ADGRE1: variants seen among roughly 807,000 people sequenced by gnomAD.
ADGRE1 encodes EGF-like module receptor 1.
A neutral mutation model predicts 102.7 loss-of-function variants in ADGRE1; 82 were observed. That is an observed-to-expected ratio of 0.80 (90% CI 0.67 to 0.96). The LOEUF is 0.96. Among genes scored for constraint, ADGRE1 ranks in the 40% least tolerant of loss-of-function variants. The pLI is 0.00. For synonymous variants in ADGRE1, 398 were observed against 399.6 expected (o/e 1.00, Z 0.05); for missense variants, 1,032 against 1,085.3 (o/e 0.95, Z 0.69).
chr19:6,893,875 C>T (rs529276592), intron 2 of ADGRE1, among the ~76,000 whole-genome samples: 102 of 152,306 alleles, frequency 6.7e-4, no homozygotes, highest in South Asian at 1.4e-3. Context: ...GGCTGCGTTC[C>T]TTCTGGATGC....
Position 6,928,129 on chromosome 19 carries a change from C to G in ADGRE1, c.2223-16C>G. ...ACTCTGAGACAAGCGCTGACTCCTC[C>G]TATTTCTCTCCACAGCTGCTGGCTG... On this transcript the variant is annotated splice_polypyrimidine_tract_variant and intron_variant, in intron 16 of 20. Transcript: ENST00000312053. 2 of 1,611,948 alleles carry G rather than the reference C, an allele frequency of 1.2e-6. No homozygotes were observed. The highest frequency in any genetic ancestry group is 1.7e-6 in the Non-Finnish European group (2 of 1,178,894).
intron 10 of ADGRE1, among the ~76,000 whole-genome samples, chr19:6,912,222 C>T (rs1489294620): frequency 6.6e-6 from 1 of 151,548 alleles, no homozygotes; most frequent in Non-Finnish European, 1.5e-5. Context: ...ATACACACAC[C>T]CACATATATA....
Position 6,910,570 on chromosome 19 carries a change from C to CTTT in ADGRE1, c.1122+1815_1122+1817dup, listed in dbSNP as rs11303491. Among the ~76,000 whole-genome samples, 587 of 112,620 alleles carry CTTT rather than the reference C, an allele frequency of 5.2e-3. 19 individuals are homozygous for CTTT. The highest frequency in any genetic ancestry group is 0.011 in the Middle Eastern group (2 of 178). 73.9% of individuals were successfully genotyped at this position (112,620 alleles called of 152,430 possible). On this transcript the variant is annotated intron_variant, in intron 10 of 20. Transcript: ENST00000312053. Reference sequence around the variant, plus strand: ...TCTAATGTGTCAAACTGTTCCAACTCTTTTTTTTTTTTTTTTTTTGAGATG... The same window carrying CTTT: ...TCTAATGTGTCAAACTGTTCCAACTCTTTTTTTTTTTTTTTTTTTTTTGAGATG...
chr19:6,902,912 T>C (rs1973824094), intron 6 of ADGRE1, among the ~76,000 whole-genome samples: 1 of 152,176 alleles, frequency 6.6e-6, no homozygotes, highest in Non-Finnish European at 1.5e-5. Context: ...AATTTTTTAT[T>C]CGGGACAGGT....
Position 6,940,297 on chromosome 19 carries a change from CAAT to C in ADGRE1, c.*269_*271del. On this transcript the variant is annotated 3_prime_UTR_variant, in exon 21 of 21. Transcript: ENST00000312053. ...GAGTTTCTGAGAACAGACCCAAATT[CAAT>C]GGCATGACCAAGAACACCTGGCTAC... is the stretch of plus-strand genomic sequence containing the variant. 2 of 556,764 alleles carry C rather than the reference CAAT, an allele frequency of 3.6e-6. No individual in the cohort carries two copies. Among genetic ancestry groups the C allele is most frequent in the Non-Finnish European group, 6.4e-6 (2 of 312,250 alleles). The allele number at this position is 556,764 out of a possible 1,614,324, so 34.5% of individuals were successfully genotyped here.
intron 17 of ADGRE1, 66 bp from the exon 18 acceptor site, chr19:6,934,921 T>TA: frequency 8.4e-7 from 1 of 1,187,456 alleles, no homozygotes; most frequent in Non-Finnish European, 1.2e-6. Flanking sequence ...GTTCTCTTTT[T>TA]ATAGGTGTTC....
rs574799606 is a variant in ADGRE1 at position 6,929,271 on chromosome 19, C to A, written c.2289+1060C>A. On this transcript the variant is annotated intron_variant, in intron 17 of 20. Transcript: ENST00000312053. ...TCTCTGTGTCTTGCAAGAGAGAGGG[C>A]CTCCTGAGTGGGACTTCTGGCCCGC... Among the ~76,000 whole-genome samples, 3 of 152,234 alleles carry A rather than the reference C, an allele frequency of 2.0e-5. No individual in the cohort carries two copies. In the East Asian group the frequency reaches 5.8e-4, roughly 29 times the overall value.
intron 10 of ADGRE1, among the ~76,000 whole-genome samples, chr19:6,913,057 C>A (rs1383907131): frequency 6.6e-6 from 1 of 152,216 alleles, no homozygotes; most frequent in African/African-American, 2.4e-5. Context: ...ACTTCAGCCT[C>A]CTGAGTCGCT....
At position 6,940,065 on chromosome 19, in the gene ADGRE1, C is replaced by T. The variant is rs914811564; in HGVS notation, c.*36C>T. The T allele has an allele frequency of 6.2e-7, 1 of 1,610,572 alleles. No homozygotes were observed. Among genetic ancestry groups the T allele is most frequent in the Non-Finnish European group, 8.5e-7 (1 of 1,177,816 alleles). On this transcript the variant is annotated 3_prime_UTR_variant, in exon 21 of 21. Coordinates refer to ENST00000312053, the MANE Select transcript of ADGRE1 (RefSeq NM_001974.5). Reference sequence around the variant, plus strand: ...TGCTTTCAAATATGCTATGGAGCCACAGTTGAGGACAGTAGTTTCCTGCAG... The same window carrying T: ...TGCTTTCAAATATGCTATGGAGCCATAGTTGAGGACAGTAGTTTCCTGCAG...
intron 2 of ADGRE1, among the ~76,000 whole-genome samples, chr19:6,890,847 C>G (rs1973341894): frequency 6.6e-6 from 1 of 152,068 alleles, no homozygotes; most frequent in African/African-American, 2.4e-5. Context: ...TGGAAACCAC[C>G]TGGTATGTAG....
At chr19:6,929,101 C>G (rs1334588606) in intron 17 of ADGRE1, among the ~76,000 whole-genome samples, 1 of 152,202 alleles carries the variant, frequency 6.6e-6, no homozygotes, top group Non-Finnish European at 1.5e-5. Context: ...GTCCATGAGT[C>G]TCTCTGAAGC....
chr19:6,904,301 T>G, intron 8 of ADGRE1, 119 bp downstream of exon 8: 1 of 1,262,910 alleles, frequency 7.9e-7, no homozygotes, highest in South Asian at 1.5e-5. Context: ...CATATTCTGT[T>G]TCTTTTTCTT....
intron 17 of ADGRE1, among the ~76,000 whole-genome samples, chr19:6,929,327 G>A (rs574031284): frequency 6.6e-6 from 1 of 152,174 alleles, no homozygotes; most frequent in Non-Finnish European, 1.5e-5. Flanking sequence ...AGACTGGCTT[G>A]AGGGGGCGGT....
At chr19:6,906,574 G>A (rs1469973596) in intron 9 of ADGRE1, 53 bp downstream of exon 9, 2 of 1,532,888 alleles carry the variant, frequency 1.3e-6, no homozygotes, top group African/African-American at 2.8e-5. Flanking sequence ...AAGCCATTTA[G>A]GTAGAATGTT....
rs1408997999 is a variant in ADGRE1, at chr19:6,928,126, C to T, written c.2223-19C>T. The T allele has an allele frequency of 1.9e-6, 3 of 1,611,296 alleles. No homozygotes were observed. ...AGGACTCTGAGACAAGCGCTGACTC[C>T]TCCTATTTCTCTCCACAGCTGCTGG... On this transcript the variant is annotated intron_variant, in intron 16 of 20. Coordinates refer to ENST00000312053, the MANE Select transcript of ADGRE1 (RefSeq NM_001974.5).
At chr19:6,900,915 G>A (rs567023578) in intron 5 of ADGRE1, among the ~76,000 whole-genome samples, 1 of 152,324 alleles carries the variant, frequency 6.6e-6, no homozygotes, top group African/African-American at 2.4e-5. Context: ...GACATTTTAA[G>A]TGGTCTATTC....
chr19:6,906,342 C>T (rs575661267), intron 8 of ADGRE1, 91 bp from the exon 9 acceptor site: 29 of 1,106,480 alleles, frequency 2.6e-5, no homozygotes, highest in South Asian at 6.8e-5. Context: ...GATTTTAAGT[C>T]GGGCACGGGA....
At chr19:6,902,807 G>C (rs1435503033) in intron 6 of ADGRE1, among the ~76,000 whole-genome samples, 1 of 152,198 alleles carries the variant, frequency 6.6e-6, no homozygotes, top group Non-Finnish European at 1.5e-5. Context: ...CTTGATCTCA[G>C]CTTACTGCCA....
At position 6,908,633 on chromosome 19, in the gene ADGRE1, G is replaced by A. The variant is rs1385555035; in HGVS notation, c.1039-56G>A. The A allele has an allele frequency of 4.1e-6, 6 of 1,478,488 alleles. No individual in the cohort carries two copies. In the Admixed American group the frequency reaches 6.4e-5, roughly 16 times the overall value. 91.6% of individuals were successfully genotyped at this position (1,478,488 alleles called of 1,614,324 possible). ...GCTAATTTGTAGATTACATGCTTGG[G>A]GGAATACATCGATTCATGCTCACAA... is the stretch of plus-strand genomic sequence containing the variant. On this transcript the variant is annotated intron_variant, in intron 9 of 20. Coordinates refer to ENST00000312053, the MANE Select transcript of ADGRE1 (RefSeq NM_001974.5).
Sources: gnomAD v4.1 joint callset for allele counts (sites outside exome capture counted in the v4.1 genomes callset) on GRCh38, gnomAD v4.1.1 for gene constraint, MANE v1.5 for transcripts, NCBI Gene and HGNC (gene_info 2026-07-23, HGNC 2026-07-21) for gene names.